Variants in AMMECR1 observed in about 807,000 individuals in gnomAD.
AMMECR1 encodes nuclear protein AMMECR1.
A neutral mutation model predicts 22.5 loss-of-function variants in AMMECR1; 3 were observed. That is an observed-to-expected ratio of 0.13 (90% CI 0.06 to 0.35). The LOEUF (loss-of-function observed/expected upper bound fraction) is 0.35, where lower values mean the gene tolerates loss of function less well. Among genes scored for constraint, AMMECR1 ranks in the 10% least tolerant of loss-of-function variants. AMMECR1 has a pLI of 1.00. For synonymous variants in AMMECR1, 130 were observed against 116.7 expected, an observed-to-expected ratio of 1.11 and a Z score of -0.74; for missense variants, 235 against 278.7, an observed-to-expected ratio of 0.84 and a Z score of 1.12.
intron 2 of AMMECR1, among the ~76,000 whole-genome samples, chrX:110,230,020 A>C (rs1329465951): frequency 8.9e-6 from 1 of 112,978 alleles, no homozygotes; most frequent in Non-Finnish European, 1.9e-5. Flanking sequence ...AACTGGGCGG[A>C]GCCCACCTCA....
chrX:110,227,954 T>C (rs1256278802), intron 2 of AMMECR1, among the ~76,000 whole-genome samples: 1 of 112,151 alleles, frequency 8.9e-6, no homozygotes, highest in Non-Finnish European at 1.9e-5. Flanking sequence ...GTAGAATACC[T>C]CATCCCCAAA....
intron 2 of AMMECR1, among the ~76,000 whole-genome samples, chrX:110,246,634 A>C (rs1041018715): frequency 8.9e-6 from 1 of 112,279 alleles, no homozygotes; most frequent in Non-Finnish European, 1.9e-5. Context: ...CTACCAATCT[A>C]AGTAGGAAAG....
chrX:110,320,377 C>T (rs141127757), upstream of AMMECR1, among the ~76,000 whole-genome samples: 147 of 111,535 alleles, frequency 1.3e-3, no homozygotes, highest in African/African-American at 4.6e-3. Flanking sequence ...TCGATTTACT[C>T]CCCACCCCAC....
chrX:110,427,103 C>G, intron 1 of AMMECR1, among the ~76,000 whole-genome samples: 1 of 111,982 alleles, frequency 8.9e-6, no homozygotes, highest in African/African-American at 3.3e-5. Context: ...CCTCTTTTCT[C>G]CATTCCTACT....
At chrX:110,324,247 T>G (rs912692435) in intron 2 of AMMECR1, among the ~76,000 whole-genome samples, 5 of 111,463 alleles carry the variant, frequency 4.5e-5, no homozygotes, top group Middle Eastern at 4.2e-3. Context: ...TCTGCCCACT[T>G]TAGCCTCCCA....
chrX:110,194,751 A>AT lies in AMMECR1; in HGVS notation c.*3768dup, dbSNP rs2067362307. 2.7e-5 allele frequency: 3 copies of AT among 112,281 alleles called. No homozygotes were observed. Among genetic ancestry groups the AT allele is most frequent in the African/African-American group, 9.7e-5 (3 of 30,928 alleles). 9.3% of individuals were successfully genotyped at this position (112,281 alleles called of 1,213,427 possible). On this transcript the variant is annotated 3_prime_UTR_variant, in exon 6 of 6. Coordinates refer to ENST00000262844, the MANE Select transcript of AMMECR1 (RefSeq NM_015365.3). ...CTGGGTAGAGCAAAATAAAAGGTTC[A>AT]TTTTCTTCTGAAATAGCAATAAAAA... is the stretch of plus-strand genomic sequence containing the variant.
At chrX:110,421,608 A>G (rs2068717866) in intron 2 of AMMECR1, among the ~76,000 whole-genome samples, 1 of 112,971 alleles carries the variant, frequency 8.9e-6, no homozygotes, top group African/African-American at 3.2e-5. Flanking sequence ...ATTTCCACAC[A>G]AGGCAATGAG....
intron 2 of AMMECR1, among the ~76,000 whole-genome samples, chrX:110,261,176 G>T (rs1245897669): frequency 9.0e-5 from 10 of 110,507 alleles, no homozygotes; most frequent in Non-Finnish European, 5.7e-5. Flanking sequence ...TTTAAAAATG[G>T]TTAAAATGGT....
intron 1 of AMMECR1, among the ~76,000 whole-genome samples, chrX:110,434,289 G>A (rs2068819869): frequency 9.0e-6 from 1 of 111,702 alleles, no homozygotes; most frequent in Non-Finnish European, 1.9e-5. Context: ...TGTTCTGTGA[G>A]CAAGAGGGAG....
At chrX:110,220,305 G>A (rs986483528) in intron 2 of AMMECR1, among the ~76,000 whole-genome samples, 2 of 111,534 alleles carry the variant, frequency 1.8e-5, no homozygotes, top group African/African-American at 3.3e-5. Flanking sequence ...TGGCAATTCT[G>A]ATCTCATACC....
At chrX:110,240,406 G>A (rs983716636) in intron 2 of AMMECR1, among the ~76,000 whole-genome samples, 3 of 91,981 alleles carry the variant, frequency 3.3e-5, no homozygotes, top group Non-Finnish European at 6.4e-5. Flanking sequence ...ACAAAAACGG[G>A]GGGGGGAGGG....
At chrX:110,431,124 A>G (rs933065255) in intron 1 of AMMECR1, among the ~76,000 whole-genome samples, 1 of 112,017 alleles carries the variant, frequency 8.9e-6, no homozygotes, top group African/African-American at 3.3e-5. Context: ...TTTATTTTCT[A>G]TCTTTGCCAA....
intron 2 of AMMECR1, among the ~76,000 whole-genome samples, chrX:110,221,494 G>A (rs1448508463): frequency 8.9e-6 from 1 of 111,971 alleles, no homozygotes; most frequent in Non-Finnish European, 1.9e-5. Context: ...TATGGTTAAG[G>A]AAGGAGGAAA....
chrX:110,415,998 A>G (rs1170666580), intron 2 of AMMECR1, among the ~76,000 whole-genome samples: 2 of 102,192 alleles, frequency 2.0e-5, no homozygotes, highest in African/African-American at 7.7e-5. Context: ...AACTTAACCC[A>G]GAAGAGGCAA....
intron 1 of AMMECR1, among the ~76,000 whole-genome samples, chrX:110,284,938 T>C (rs1433833446): frequency 9.0e-6 from 1 of 111,577 alleles, no homozygotes; most frequent in Non-Finnish European, 1.9e-5. Flanking sequence ...ATCCTTTAGG[T>C]CTTAGACTAT....
intron 2 of AMMECR1, among the ~76,000 whole-genome samples, chrX:110,388,196 C>T (rs2068471139): frequency 1.8e-5 from 2 of 111,640 alleles, no homozygotes. Context: ...GACATTGTAA[C>T]ATCCCAAACT....
At chrX:110,368,889 C>A (rs2068316697) in intron 2 of AMMECR1, among the ~76,000 whole-genome samples, 2 of 111,708 alleles carry the variant, frequency 1.8e-5, no homozygotes, top group African/African-American at 6.5e-5. Context: ...ACCCAGATAT[C>A]CTTCATCATC....
chrX:110,303,105 A>T (rs1569401815), intron 1 of AMMECR1, among the ~76,000 whole-genome samples: 1 of 111,664 alleles, frequency 9.0e-6, no homozygotes, highest in Non-Finnish European at 1.9e-5. Flanking sequence ...ATATAACTTA[A>T]TGAAAGTGAA....
At chrX:110,249,485 GT>G (rs767177872) in intron 2 of AMMECR1, among the ~76,000 whole-genome samples, 39 of 111,778 alleles carry the variant, frequency 3.5e-4, no homozygotes, top group Non-Finnish European at 6.4e-4. Flanking sequence ...CCTTCATAAG[GT>G]TGTTGGAAAT....
Sources: allele counts gnomAD v4.1 joint callset (sites outside exome capture counted in the v4.1 genomes callset), GRCh38; gene constraint gnomAD v4.1.1; transcripts MANE v1.5; gene names NCBI Gene and HGNC (gene_info 2026-07-23, HGNC 2026-07-21).